The following GTF2IRD1 variants were observed in gnomAD, a reference collection of about 807,000 sequenced individuals.
The protein encoded by GTF2IRD1 is GTF2I repeat domain containing 1, also known as general transcription factor II-I repeat domain-containing protein 1.
A neutral mutation model predicts 113.2 loss-of-function variants in GTF2IRD1; 26 were observed. That is an observed-to-expected ratio of 0.23 (90% CI 0.17 to 0.32). GTF2IRD1 has a LOEUF of 0.32. Among genes scored for constraint, GTF2IRD1 ranks in the 10% least tolerant of loss-of-function variants. The pLI is 1.00. For synonymous variants in GTF2IRD1, 484 were observed against 529.1 expected, an observed-to-expected ratio of 0.91 and a Z score of 1.17; for missense variants, 864 against 1,280.8, an observed-to-expected ratio of 0.67 and a Z score of 4.97.
intron 9 of GTF2IRD1, among the ~76,000 whole-genome samples, 175 bp downstream of exon 9, chr7:74,530,092 C>T (rs1450292934): frequency 6.6e-6 from 1 of 152,102 alleles, no homozygotes; most frequent in African/African-American, 2.4e-5. Context: ...TGCCTGTAAT[C>T]CCAGCTACTT....
Position 74,521,212 on chromosome 7 carries a change from G to C in GTF2IRD1, c.921G>C (p.Gln307His), listed in dbSNP as rs782180326. ...TTCCTTCTCTCCCTTGTCCAGGACA[G>C]AAGCCCACTGGGCCTGGTGGGCCTC... The part of the protein sequence containing the change: ...GAQDFSDCCG[Q>H]KPTGPGGPLI... The change falls in exon 7 of 27, where the codon CAG becomes CAC. Residue 307 changes from glutamine (Q) to histidine (H), a missense_variant. This residue lies in a region of GTF2IRD1 where 195 missense variants were observed against 196.6 expected (regional missense o/e 0.99). Coordinates refer to ENST00000424337, the MANE Select transcript of GTF2IRD1 (RefSeq NM_005685.4). The C allele has an allele frequency of 6.3e-7, 1 of 1,592,590 alleles. No homozygotes were observed. Among genetic ancestry groups the C allele is most frequent in the Non-Finnish European group, 8.6e-7 (1 of 1,160,812 alleles).
intron 22 of GTF2IRD1, among the ~76,000 whole-genome samples, chr7:74,570,837 G>A (rs1281480957): frequency 2.4e-4 from 37 of 152,246 alleles, no homozygotes; most frequent in African/African-American, 8.2e-4. Context: ...GAGCCCTGCC[G>A]GTTTTGGAGG....
chr7:74,492,141 T>C (rs188795194), intron 1 of GTF2IRD1, among the ~76,000 whole-genome samples: 18 of 151,080 alleles, frequency 1.2e-4, no homozygotes, highest in Admixed American at 4.0e-4. Flanking sequence ...GTAGCTGGGA[T>C]TACAGGCACA....
intron 7 of GTF2IRD1, among the ~76,000 whole-genome samples, chr7:74,521,721 C>T (rs1797311471): frequency 6.6e-6 from 1 of 152,060 alleles, no homozygotes; most frequent in South Asian, 2.1e-4. Context: ...GTGATCGCAC[C>T]ACTGCACTCC....
chr7:74,576,587 G>A lies in GTF2IRD1; in HGVS notation c.2321-13264G>A, dbSNP rs1801079972. Among the ~76,000 whole-genome samples, 3 of 146,576 alleles carry A rather than the reference G, an allele frequency of 2.0e-5. No homozygotes were observed. In the South Asian group the frequency reaches 6.5e-4, roughly 32 times the overall value. On this transcript the variant is annotated intron_variant, in intron 22 of 26. Transcript: ENST00000424337. ...GATGTCAGCAGGGCTGATCCTTCTG[G>A]AGGCTCTAGGGGAAAATCTATTTCC...
At chr7:74,494,154 CTCAATCTCTCCTACA>C in intron 1 of GTF2IRD1, among the ~76,000 whole-genome samples, 1 of 152,344 alleles carries the variant, frequency 6.6e-6, no homozygotes, top group South Asian at 2.1e-4. Flanking sequence ...ATGGGTCTTA[CTCAATCTCTCCTACA>C]ATTGCAGTCA....
intron 14 of GTF2IRD1, among the ~76,000 whole-genome samples, chr7:74,542,635 C>T (rs1798695972): frequency 6.6e-6 from 1 of 152,216 alleles, no homozygotes; most frequent in African/African-American, 2.4e-5. Flanking sequence ...TATGATTTGT[C>T]CAGCACAAAC....
intron 22 of GTF2IRD1, 70 bp from the exon 23 acceptor site, chr7:74,589,781 G>C: frequency 1.1e-6 from 1 of 906,978 alleles, no homozygotes; most frequent in Non-Finnish European, 1.9e-6. Flanking sequence ...GGGACGCCTG[G>C]TGGGAGAAGC....
chr7:74,573,437 A>G (rs1489112868), intron 22 of GTF2IRD1, among the ~76,000 whole-genome samples: 3 of 151,674 alleles, frequency 2.0e-5, no homozygotes, highest in Non-Finnish European at 4.4e-5. Context: ...TAAAATAGAC[A>G]GGGGCTTTCC....
chr7:74,543,724 AC>A (rs1219602138), intron 14 of GTF2IRD1, among the ~76,000 whole-genome samples: 2 of 151,708 alleles, frequency 1.3e-5, no homozygotes, highest in African/African-American at 2.4e-5. Flanking sequence ...ACATGGCGAA[AC>A]CCTGTCTCTA....
chr7:74,529,088 G>A (rs981916288), intron 8 of GTF2IRD1, among the ~76,000 whole-genome samples: 3 of 152,058 alleles, frequency 2.0e-5, no homozygotes, highest in Admixed American at 1.3e-4. Flanking sequence ...AGGTACAAAG[G>A]CATTGAACCG....
intron 9 of GTF2IRD1, among the ~76,000 whole-genome samples, chr7:74,531,747 A>G (rs1388498538): frequency 6.6e-6 from 1 of 151,742 alleles, no homozygotes; most frequent in Non-Finnish European, 1.5e-5. Context: ...GGGGGGAGCC[A>G]GGAGGTAGAG....
At chr7:74,569,434 G>A (rs1233821798) in intron 22 of GTF2IRD1, among the ~76,000 whole-genome samples, 15 of 152,178 alleles carry the variant, frequency 9.9e-5, no homozygotes, top group South Asian at 2.1e-4. Flanking sequence ...GCTGTTCTGC[G>A]GCCTGAGCCT....
In GTF2IRD1 at chr7:74,538,193, G is replaced by A. The variant is rs782167674; in HGVS notation, c.1447+20G>A. 9.3e-6 allele frequency: 15 copies of A among 1,610,592 alleles called. No homozygotes were observed. The highest frequency in any genetic ancestry group is 6.7e-5 in the African/African-American group (5 of 74,854). ...GGCCAGGTGAGAAGGAACAGGGCCCGCTGTGTGTGTGGTGGGCCGGGAGGG... is the reference window on the plus strand; with the variant it reads ...GGCCAGGTGAGAAGGAACAGGGCCCACTGTGTGTGTGGTGGGCCGGGAGGG... On this transcript the variant is annotated intron_variant, in intron 12 of 26. Coordinates refer to ENST00000424337, the MANE Select transcript of GTF2IRD1 (RefSeq NM_005685.4).
At chr7:74,525,363 C>T (rs1406230776) in intron 8 of GTF2IRD1, among the ~76,000 whole-genome samples, 2 of 152,160 alleles carry the variant, frequency 1.3e-5, no homozygotes, top group Non-Finnish European at 2.9e-5. Context: ...CGCTGTCTCC[C>T]TGAGGGCCAG....
chr7:74,496,335 C>T (rs558655127), intron 1 of GTF2IRD1, among the ~76,000 whole-genome samples: 1 of 120,130 alleles, frequency 8.3e-6, no homozygotes, highest in East Asian at 2.6e-4. Flanking sequence ...TGGGGGTGTG[C>T]ATGTATGTGC....
intron 3 of GTF2IRD1, among the ~76,000 whole-genome samples, chr7:74,514,615 C>T (rs587657052): frequency 5.3e-5 from 8 of 152,218 alleles, no homozygotes; most frequent in East Asian, 1.9e-4. Context: ...CAACACTCTC[C>T]GGTCCCCACC....
At chr7:74,463,877 C>T (rs1562768823) in intron 1 of GTF2IRD1, among the ~76,000 whole-genome samples, 1 of 152,140 alleles carries the variant, frequency 6.6e-6, no homozygotes, top group Non-Finnish European at 1.5e-5. Context: ...GTGCGTGCCA[C>T]CACACCCGAC....
At chr7:74,571,359 C>G (rs1282178628) in intron 22 of GTF2IRD1, among the ~76,000 whole-genome samples, 37 of 152,210 alleles carry the variant, frequency 2.4e-4, no homozygotes, top group Non-Finnish European at 7.3e-5. Flanking sequence ...CGGGGACAGC[C>G]TGGGAGGCCT....
Sources: allele counts gnomAD v4.1 joint callset (sites outside exome capture counted in the v4.1 genomes callset), GRCh38; gene constraint gnomAD v4.1.1; regional missense constraint gnomAD v4.1.1; transcripts MANE v1.5; gene names NCBI Gene and HGNC (gene_info 2026-07-23, HGNC 2026-07-21).